The following SGCD variants were observed in gnomAD, a reference collection of about 807,000 sequenced individuals.
SGCD encodes sarcoglycan delta.
A neutral mutation model predicts 36.6 loss-of-function variants in SGCD; 18 were observed. That is an observed-to-expected ratio of 0.49 (90% CI 0.34 to 0.73). The LOEUF (loss-of-function observed/expected upper bound fraction) is 0.73. Among genes scored for constraint, SGCD ranks in the 30% least tolerant of loss-of-function variants. The pLI, the probability that SGCD is intolerant of heterozygous loss-of-function variation, is 0.01. For missense variants in SGCD, 387 were observed against 346.7 expected (o/e 1.12, Z -0.92); for synonymous variants, 133 against 130.6 (o/e 1.02, Z -0.12).
intron 7 of SGCD, among the ~76,000 whole-genome samples, chr5:156,664,445 T>G (rs1764061989): frequency 6.8e-6 from 1 of 147,572 alleles, no homozygotes; most frequent in African/African-American, 2.6e-5. Context: ...GAACCTTGTC[T>G]TACTGTATTA....
chr5:156,291,012 C>T (rs1181794703), intron 3 of SGCD, among the ~76,000 whole-genome samples: 1 of 152,012 alleles, frequency 6.6e-6, no homozygotes, highest in Non-Finnish European at 1.5e-5. Context: ...TGAGGATGCT[C>T]AGGTCTTAGA....
intron 3 of SGCD, among the ~76,000 whole-genome samples, chr5:156,230,517 T>A (rs1764989565): frequency 6.6e-6 from 1 of 152,208 alleles, no homozygotes; most frequent in Non-Finnish European, 1.5e-5. Context: ...CTGCACAGAC[T>A]CCTGTGAACC....
At chr5:156,617,985 C>T (rs989209096) in intron 6 of SGCD, among the ~76,000 whole-genome samples, 4 of 152,232 alleles carry the variant, frequency 2.6e-5, no homozygotes, top group South Asian at 2.1e-4. Context: ...GTCACATGGA[C>T]ATCACTTAAA....
intron 4 of SGCD, among the ~76,000 whole-genome samples, chr5:156,520,507 G>A (rs1276540499): frequency 6.6e-6 from 1 of 151,986 alleles, no homozygotes; most frequent in Non-Finnish European, 1.5e-5. Context: ...CAGAAGTAGA[G>A]AAAACTATTT....
chr5:156,699,701 A>G (rs1754455615), intron 7 of SGCD, among the ~76,000 whole-genome samples: 1 of 152,182 alleles, frequency 6.6e-6, no homozygotes, highest in Admixed American at 6.5e-5. Flanking sequence ...ACCAAAAAAG[A>G]AATAAGGTTT....
At chr5:156,599,227 T>C (rs1228740516) in intron 6 of SGCD, among the ~76,000 whole-genome samples, 2 of 152,212 alleles carry the variant, frequency 1.3e-5, no homozygotes, top group Non-Finnish European at 2.9e-5. Flanking sequence ...CGTCAGACTG[T>C]ATAAACTCTT....
At chr5:156,591,834 A>T (rs1376266387) in intron 5 of SGCD, among the ~76,000 whole-genome samples, 1 of 152,132 alleles carries the variant, frequency 6.6e-6, no homozygotes, top group Non-Finnish European at 1.5e-5. Flanking sequence ...GATTCCAGCC[A>T]TGTCCAGGGA....
intron 3 of SGCD, among the ~76,000 whole-genome samples, chr5:156,506,650 G>A (rs1756711178): frequency 6.6e-6 from 1 of 151,998 alleles, no homozygotes; most frequent in Non-Finnish European, 1.5e-5. Context: ...ACTGAAGTAG[G>A]GAAATTAGAA....
intron 4 of SGCD, among the ~76,000 whole-genome samples, chr5:156,527,437 A>G (rs1757692181): frequency 6.6e-6 from 1 of 152,178 alleles, no homozygotes; most frequent in African/African-American, 2.4e-5. Flanking sequence ...GTAACCTTCT[A>G]TCTGTACTTT....
At chr5:156,524,119 T>TGTAAAACC (rs1757539665) in intron 4 of SGCD, among the ~76,000 whole-genome samples, 1 of 63,776 alleles carries the variant, frequency 1.6e-5, no homozygotes, top group Non-Finnish European at 3.6e-5. Flanking sequence ...TATATATATA[T>TGTAAAACC]ATATATATAT....
chr5:155,837,018 GTT>G, the SGCD span, among the ~76,000 whole-genome samples: 1 of 152,158 alleles, frequency 6.6e-6, no homozygotes, highest in East Asian at 1.9e-4. Flanking sequence ...TATTTGTATT[GTT>G]TTGTTTCTGT....
chr5:156,054,501 G>T (rs1381352860), intron 1 of SGCD, among the ~76,000 whole-genome samples: 2 of 145,698 alleles, frequency 1.4e-5, no homozygotes, highest in African/African-American at 2.5e-5. Flanking sequence ...TAGCCAGGAT[G>T]GTCTCAATCT....
chr5:155,939,942 T>C (rs1190100963), intron 1 of SGCD, among the ~76,000 whole-genome samples: 1 of 151,736 alleles, frequency 6.6e-6, no homozygotes, highest in East Asian at 2.0e-4. Context: ...CAAGAGATTG[T>C]CCCACCTCAG....
the SGCD span, among the ~76,000 whole-genome samples, chr5:155,755,305 C>G: frequency 1.3e-5 from 2 of 152,116 alleles, no homozygotes; most frequent in Non-Finnish European, 2.9e-5. Context: ...TGGGTTGATT[C>G]ACATAAACCA....
chr5:155,817,896 G>C, the SGCD span, among the ~76,000 whole-genome samples: 1 of 152,092 alleles, frequency 6.6e-6, no homozygotes, highest in Admixed American at 6.6e-5. Flanking sequence ...ACATATACTT[G>C]ACAAAATAGT....
chr5:155,763,546 G>A, the SGCD span, among the ~76,000 whole-genome samples: 8 of 152,060 alleles, frequency 5.3e-5, no homozygotes, highest in African/African-American at 1.9e-4. Flanking sequence ...GATGGGCCAC[G>A]TTCAAGAGAA....
intron 3 of SGCD, among the ~76,000 whole-genome samples, chr5:156,413,265 A>C (rs949626366): frequency 6.6e-6 from 1 of 152,244 alleles, no homozygotes; most frequent in African/African-American, 2.4e-5. Flanking sequence ...TCAAATGTTC[A>C]AAGAAGGCAT....
At chr5:156,259,913 G>A (rs1410516267) in intron 3 of SGCD, among the ~76,000 whole-genome samples, 1 of 152,148 alleles carries the variant, frequency 6.6e-6, no homozygotes, top group African/African-American at 2.4e-5. Flanking sequence ...CCAGTACCAT[G>A]CGGCTGGGCT....
chr5:155,892,459 G>GAAAAAAAA (rs70981989), intron 1 of SGCD, among the ~76,000 whole-genome samples: 2 of 94,312 alleles, frequency 2.1e-5, no homozygotes, highest in East Asian at 3.5e-4. Context: ...ATCTGAAAAA[G>GAAAAAAAA]AAAAAAAAAA....
Sources: allele counts gnomAD v4.1 joint callset (sites outside exome capture counted in the v4.1 genomes callset), GRCh38; gene constraint gnomAD v4.1.1; transcripts MANE v1.5; gene names NCBI Gene and HGNC (gene_info 2026-07-23, HGNC 2026-07-21).